Variants in LINC01488 observed in about 807,000 individuals in gnomAD.
LINC01488 encodes CCND1-upstream intergenic DNA repair 1.
intron 1 of LINC01488, among the ~76,000 whole-genome samples, chr11:69,485,161 C>T (rs1161048843): frequency 1.3e-5 from 2 of 152,154 alleles, no homozygotes; most frequent in Non-Finnish European, 2.9e-5. Context: ...ACTTGACCTC[C>T]TAGCAATTGG....
intron 1 of LINC01488, among the ~76,000 whole-genome samples, chr11:69,490,225 C>T (rs552065050): frequency 6.6e-6 from 1 of 152,202 alleles, no homozygotes; most frequent in African/African-American, 2.4e-5. Flanking sequence ...CCTAGTCAGC[C>T]CTGTTCCGCC....
At chr11:69,484,750 G>T (rs1348045588) in intron 1 of LINC01488, among the ~76,000 whole-genome samples, 1 of 152,236 alleles carries the variant, frequency 6.6e-6, no homozygotes, top group Non-Finnish European at 1.5e-5. Context: ...CCGTGGGCAG[G>T]TTCCCTGCAC....
intron 1 of LINC01488, chr11:69,485,860 G>C (rs1185339163): frequency 6.6e-6 from 1 of 152,244 alleles, no homozygotes; most frequent in Non-Finnish European, 1.5e-5. Context: ...CTGCCTGCAG[G>C]GGCGAGGTAG....
chr11:69,489,301 G>A (rs1426134350), intron 1 of LINC01488, among the ~76,000 whole-genome samples: 1 of 152,122 alleles, frequency 6.6e-6, no homozygotes, highest in African/African-American at 2.4e-5. Context: ...TGAAATGAGG[G>A]AGCTCAAGAC....
chr11:69,490,254 A>C (rs888008527), intron 1 of LINC01488, among the ~76,000 whole-genome samples: 3 of 152,204 alleles, frequency 2.0e-5, no homozygotes, highest in African/African-American at 7.2e-5. Flanking sequence ...TTTTGTCCGA[A>C]GCTGCAGTCT....
chr11:69,483,153 T>C (rs2134964911), intron 1 of LINC01488, among the ~76,000 whole-genome samples: 1 of 152,270 alleles, frequency 6.6e-6, no homozygotes, highest in Non-Finnish European at 1.5e-5. Flanking sequence ...CCAGCAATGC[T>C]ACCCAGAGCA....
intron 2 of LINC01488, chr11:69,490,878 G>C (rs1023636976): frequency 1.3e-5 from 2 of 152,222 alleles, no homozygotes; most frequent in African/African-American, 4.8e-5. Context: ...CAGGCTCAGA[G>C]CAAGGGCCTG....
chr11:69,489,259 T>G (rs1470205331), intron 1 of LINC01488, among the ~76,000 whole-genome samples: 1 of 151,862 alleles, frequency 6.6e-6, no homozygotes, highest in Non-Finnish European at 1.5e-5. Context: ...CCCGGGCACC[T>G]GCTCCCCACT....
At chr11:69,492,191 G>C (rs554167770) in exon 4 of LINC01488, 1 of 152,402 alleles carries the variant, frequency 6.6e-6, no homozygotes, top group East Asian at 1.9e-4. Context: ...GTCCTCCAGG[G>C]AGACATGATG....
At chr11:69,486,951 G>A (rs1006022961) in intron 1 of LINC01488, among the ~76,000 whole-genome samples, 2 of 152,196 alleles carry the variant, frequency 1.3e-5, no homozygotes, top group African/African-American at 4.8e-5. Flanking sequence ...GCCCAGAGCT[G>A]CACGGCCTCC....
At chr11:69,482,474 G>A (rs964439931) in intron 1 of LINC01488, among the ~76,000 whole-genome samples, 8 of 152,058 alleles carry the variant, frequency 5.3e-5, no homozygotes, top group Non-Finnish European at 1.0e-4. Flanking sequence ...ATGGATGCAT[G>A]CATGGATAGA....
intron 1 of LINC01488, among the ~76,000 whole-genome samples, chr11:69,488,636 CG>C (rs1184263553): frequency 6.6e-6 from 1 of 152,238 alleles, no homozygotes; most frequent in Non-Finnish European, 1.5e-5. Context: ...TGCCGCCTGT[CG>C]GGGGCGATCA....
intron 1 of LINC01488, among the ~76,000 whole-genome samples, chr11:69,485,226 G>A (rs1361530968): frequency 6.6e-6 from 1 of 152,180 alleles, no homozygotes; most frequent in African/African-American, 2.4e-5. Flanking sequence ...GAGGCAAAGG[G>A]TTTTCCCCCA....
At chr11:69,482,913 G>A (rs899816557) in intron 1 of LINC01488, among the ~76,000 whole-genome samples, 1 of 152,078 alleles carries the variant, frequency 6.6e-6, no homozygotes, top group African/African-American at 2.4e-5. Context: ...AATCTTATGA[G>A]GATGCCAGTC....
At chr11:69,482,305 C>A (rs1857055048) in intron 1 of LINC01488, among the ~76,000 whole-genome samples, 1 of 152,158 alleles carries the variant, frequency 6.6e-6, no homozygotes, top group African/African-American at 2.4e-5. Flanking sequence ...CCCCATGATT[C>A]AATTATCTCC....
At chr11:69,489,786 A>C (rs1161348054) in intron 1 of LINC01488, among the ~76,000 whole-genome samples, 1 of 152,218 alleles carries the variant, frequency 6.6e-6, no homozygotes, top group Non-Finnish European at 1.5e-5. Context: ...CCTCACAGAG[A>C]ACCCCCGTGG....
Position 69,489,994 on chromosome 11 carries a change from G to T in LINC01488, n.123-501G>T, listed in dbSNP as rs184536424. 1.2e-4 allele frequency among the ~76,000 whole-genome samples: 18 copies of T among 152,292 alleles called. No individual in the cohort carries two copies. The East Asian group carries it at 3.1e-3, about 26-fold the overall frequency. On this transcript the variant is annotated intron_variant and non_coding_transcript_variant, in intron 1 of 3. Transcript: ENST00000644563. The stretch of plus-strand genomic sequence containing the variant: ...CACCTGAGTCAGCTCCTGCACCCTG[G>T]AGTGTCTGACAATTCTTCCCCAAGG...
At chr11:69,482,787 G>A (rs954526907) in intron 1 of LINC01488, among the ~76,000 whole-genome samples, 16 of 152,206 alleles carry the variant, frequency 1.1e-4, no homozygotes, top group East Asian at 1.9e-4. Flanking sequence ...GAGGCTAGAC[G>A]TCTGAGATCA....
chr11:69,483,978 G>C (rs963160870), intron 1 of LINC01488, among the ~76,000 whole-genome samples: 1 of 152,216 alleles, frequency 6.6e-6, no homozygotes, highest in Non-Finnish European at 1.5e-5. Flanking sequence ...AGGCGGGCTG[G>C]GGCTCTGGGT....
Sources: allele counts gnomAD v4.1 joint callset (sites outside exome capture counted in the v4.1 genomes callset), GRCh38; gene constraint gnomAD v4.1.1; transcripts MANE v1.5; gene names NCBI Gene and HGNC (gene_info 2026-07-23, HGNC 2026-07-21).